The following EYA4 variants were observed in gnomAD, a reference collection of about 807,000 sequenced individuals.
EYA4 encodes the protein EYA transcriptional coactivator and phosphatase 4.
EYA4 carries 31 observed loss-of-function variants against 87.9 expected under a neutral mutation model. The observed-to-expected ratio is 0.35, with a 90% confidence interval of 0.27 to 0.48. The LOEUF is 0.48. Ranked by LOEUF, EYA4 falls within the 20% of genes least tolerant of loss-of-function variation. The pLI is 0.99. For missense variants in EYA4, 678 were observed against 761.4 expected (o/e 0.89, Z 1.29); for synonymous variants, 263 against 270.6 (o/e 0.97, Z 0.28).
At chr6:133,419,580 T>C (rs940898322) in intron 3 of EYA4, among the ~76,000 whole-genome samples, 1 of 152,198 alleles carries the variant, frequency 6.6e-6, no homozygotes, top group South Asian at 2.1e-4. Flanking sequence ...GAGATAATTT[T>C]ATCCTGTATG....
At chr6:133,355,959 C>G (rs867146563) in intron 2 of EYA4, among the ~76,000 whole-genome samples, 1 of 151,428 alleles carries the variant, frequency 6.6e-6, no homozygotes, top group Non-Finnish European at 1.5e-5. Flanking sequence ...TTGGGAAGCT[C>G]AAGATCAAGG....
At chr6:133,283,403 T>C (rs1482732518) in intron 2 of EYA4, among the ~76,000 whole-genome samples, 1 of 152,166 alleles carries the variant, frequency 6.6e-6, no homozygotes, top group African/African-American at 2.4e-5. Flanking sequence ...TTAATAAATA[T>C]AATGCAATTT....
intron 2 of EYA4, among the ~76,000 whole-genome samples, chr6:133,355,000 A>G (rs1291656863): frequency 2.0e-5 from 3 of 152,236 alleles, no homozygotes; most frequent in Non-Finnish European, 4.4e-5. Flanking sequence ...TAGACAGTAG[A>G]ATAATAAATC....
At chr6:133,469,571 C>T (rs1562458816) in intron 11 of EYA4, among the ~76,000 whole-genome samples, 1 of 151,824 alleles carries the variant, frequency 6.6e-6, no homozygotes. Context: ...ATTTTTGAAT[C>T]AGGATACAAA....
intron 1 of EYA4, among the ~76,000 whole-genome samples, chr6:133,271,212 T>G (rs1259825943): frequency 5.9e-5 from 9 of 152,044 alleles, no homozygotes; most frequent in Non-Finnish European, 1.2e-4. Flanking sequence ...CTAGAGAACT[T>G]TGCCCCAGCC....
intron 3 of EYA4, among the ~76,000 whole-genome samples, chr6:133,441,973 CCATA>C (rs1266566587): frequency 6.0e-5 from 9 of 151,240 alleles, no homozygotes; most frequent in African/African-American, 2.2e-4. Context: ...ATGTATTGAT[CCATA>C]TATGACAGAT....
chr6:133,468,259 T>A (rs1795019825), intron 10 of EYA4, among the ~76,000 whole-genome samples: 1 of 152,020 alleles, frequency 6.6e-6, no homozygotes, highest in African/African-American at 2.4e-5. Context: ...AACACGTAGG[T>A]CCTGATGATG....
At chr6:133,244,151 T>C (rs1774212700) in intron 1 of EYA4, among the ~76,000 whole-genome samples, 1 of 152,230 alleles carries the variant, frequency 6.6e-6, no homozygotes, top group African/African-American at 2.4e-5. Context: ...AGTAAAGGTC[T>C]ACAATCAATA....
intron 3 of EYA4, among the ~76,000 whole-genome samples, chr6:133,434,380 T>A (rs925396852): frequency 1.3e-5 from 2 of 152,230 alleles, no homozygotes; most frequent in Admixed American, 1.3e-4. Flanking sequence ...AGTTTTCAAA[T>A]AGACAAACCA....
chr6:133,301,186 T>A (rs568423371), intron 2 of EYA4, among the ~76,000 whole-genome samples: 66 of 152,332 alleles, frequency 4.3e-4, no homozygotes, highest in African/African-American at 1.1e-3. Flanking sequence ...TAAGAGTATA[T>A]TAAACCATCT....
chr6:133,272,857 A>G (rs2128262828), intron 1 of EYA4, among the ~76,000 whole-genome samples: 1 of 152,174 alleles, frequency 6.6e-6, no homozygotes, highest in South Asian at 2.1e-4. Context: ...TGGGGCCAAA[A>G]TGATCTCAAC....
chr6:133,364,828 A>G (rs1222646236), intron 2 of EYA4, among the ~76,000 whole-genome samples: 1 of 152,218 alleles, frequency 6.6e-6, no homozygotes, highest in African/African-American at 2.4e-5. Flanking sequence ...ATCAACTCAA[A>G]AAGATTTAAA....
chr6:133,304,281 A>G lies in EYA4; in HGVS notation c.33+29468A>G, dbSNP rs114708601. Among the ~76,000 whole-genome samples the G allele has an allele frequency of 1.7e-3, 254 of 152,266 alleles. 1 individual carries two copies. The highest frequency in any genetic ancestry group is 5.7e-3 in the African/African-American group (238 of 41,568). On this transcript the variant is annotated intron_variant, in intron 2 of 19. Coordinates refer to ENST00000355286, the MANE Select transcript of EYA4 (RefSeq NM_004100.5). ...TAGTGGGGAAGACAAACATTAACAT[A>G]TTATTTTAATAAAATGTGGCAGGTG...
intron 13 of EYA4, among the ~76,000 whole-genome samples, chr6:133,483,750 G>A: frequency 6.9e-6 from 1 of 145,982 alleles, no homozygotes; most frequent in Non-Finnish European, 1.5e-5. Context: ...TTGAGACAAA[G>A]TCTCACTCTG....
At chr6:133,394,284 GTTTTTTTTTTTTTTTTT>G (rs869103311) in intron 3 of EYA4, among the ~76,000 whole-genome samples, 1 of 17,874 alleles carries the variant, frequency 5.6e-5, no homozygotes, top group African/African-American at 1.5e-4. Flanking sequence ...ATAAGCTTGT[GTTTTTTTTTTTTTTTTT>G]TTTTTTTTTT....
intron 17 of EYA4, among the ~76,000 whole-genome samples, chr6:133,518,409 A>G (rs949532757): frequency 2.0e-5 from 3 of 152,272 alleles, no homozygotes; most frequent in East Asian, 1.9e-4. Context: ...ATATATTACC[A>G]TATTGATACA....
intron 1 of EYA4, among the ~76,000 whole-genome samples, chr6:133,258,475 A>G (rs1240061961): frequency 1.3e-5 from 2 of 152,060 alleles, no homozygotes; most frequent in South Asian, 2.1e-4. Context: ...ATATTTTTTG[A>G]TCGAACTGCT....
chr6:133,468,889 G>T (rs927486081), intron 11 of EYA4, 158 bp downstream of exon 11: 1 of 752,684 alleles, frequency 1.3e-6, no homozygotes, highest in African/African-American at 1.7e-5. Flanking sequence ...GGCTCTTCTG[G>T]CATTTCAGAA....
chr6:133,516,089 A>G (rs1583531758), intron 17 of EYA4, among the ~76,000 whole-genome samples: 1 of 118,654 alleles, frequency 8.4e-6, no homozygotes, highest in Non-Finnish European at 2.1e-5. Flanking sequence ...ATAGCTGGTA[A>G]GGTAGAGTTG....
Sources: allele counts gnomAD v4.1 joint callset (sites outside exome capture counted in the v4.1 genomes callset), GRCh38; gene constraint gnomAD v4.1.1; transcripts MANE v1.5; gene names NCBI Gene and HGNC (gene_info 2026-07-23, HGNC 2026-07-21).